Variants in MYO18B observed in about 807,000 individuals in gnomAD.
MYO18B encodes unconventional myosin-XVIIIb.
Under a neutral mutation model 273.0 loss-of-function variants are expected in MYO18B, and 204 were observed. The ratio of observed to expected loss-of-function variants is 0.75; its 90% confidence interval spans 0.67 to 0.84. The LOEUF is 0.84. Among genes scored for constraint, MYO18B ranks in the 40% least tolerant of loss-of-function variants. The probability of loss-of-function intolerance (pLI) is 0.00; values close to 1 mark genes in which losing one functional copy is unlikely to be tolerated. For missense variants in MYO18B, 3,212 were observed against 3,287.6 expected, an observed-to-expected ratio of 0.98 and a Z score of 0.56; for synonymous variants, 1,330 against 1,305.7, an observed-to-expected ratio of 1.02 and a Z score of -0.40.
intron 11 of MYO18B, among the ~76,000 whole-genome samples, chr22:25,794,947 C>T (rs1206337359): frequency 3.9e-5 from 6 of 152,240 alleles, no homozygotes; most frequent in Non-Finnish European, 5.9e-5. Flanking sequence ...CTAATTGTCT[C>T]AACTTCTCTT....
chr22:26,037,667 A>G, the MYO18B span, among the ~76,000 whole-genome samples: 1 of 152,220 alleles, frequency 6.6e-6, no homozygotes, highest in Admixed American at 6.5e-5. Context: ...ACCTACCTCA[A>G]AAATGGGGTG....
At chr22:25,816,356 A>G (rs1359925868) in intron 12 of MYO18B, among the ~76,000 whole-genome samples, 1 of 151,990 alleles carries the variant, frequency 6.6e-6, no homozygotes, top group Non-Finnish European at 1.5e-5. Flanking sequence ...TCTTTTATTT[A>G]TTATTATACT....
At chr22:25,760,414 A>AG (rs2086268383) in intron 1 of MYO18B, among the ~76,000 whole-genome samples, 1 of 89,262 alleles carries the variant, frequency 1.1e-5, no homozygotes, top group Admixed American at 1.1e-4. Context: ...TCCATCTCAA[A>AG]AAAAAAAAAA....
intron 27 of MYO18B, among the ~76,000 whole-genome samples, chr22:25,893,101 A>G (rs911275978): frequency 3.9e-5 from 6 of 152,276 alleles, no homozygotes; most frequent in Admixed American, 2.0e-4. Flanking sequence ...TACTCATTAT[A>G]GAAAATGTCT....
chr22:26,025,878 G>C (rs1281931937), intron 42 of MYO18B, among the ~76,000 whole-genome samples: 2 of 152,198 alleles, frequency 1.3e-5, no homozygotes, highest in Non-Finnish European at 2.9e-5. Flanking sequence ...CTTGTGTATA[G>C]TCTTGGTTTT....
At position 25,797,901 on chromosome 22, in the gene MYO18B, G is replaced by GT. The variant is rs1175917475; in HGVS notation, c.2377-48dup. The GT allele has an allele frequency of 3.7e-6, 6 of 1,613,448 alleles. No individual in the cohort carries two copies. In the African/African-American group the frequency reaches 5.3e-5, roughly 14 times the overall value. ...GCTCAGCTTCAAGTTGTGAGCTTGT[G>GT]TTTTCTCCATCGCGATGGCCTTGTT... is the stretch of plus-strand genomic sequence containing the variant. On this transcript the variant is annotated intron_variant, in intron 11 of 43. Coordinates refer to ENST00000335473, the MANE Select transcript of MYO18B (RefSeq NM_032608.7).
chr22:25,895,807 T>C (rs1049241786), intron 28 of MYO18B, among the ~76,000 whole-genome samples: 2 of 152,214 alleles, frequency 1.3e-5, no homozygotes, highest in African/African-American at 4.8e-5. Context: ...TAAAGTATGC[T>C]GACTCTCATG....
rs565229092 is a variant in MYO18B, at chr22:25,898,115, A to G, written c.4669-192A>G. ...TGGAATTATCCCCACTTTACCTCTG[A>G]GCAAACTGAGGCTCAGAAAAGTAGC... On this transcript the variant is annotated intron_variant, in intron 28 of 43. Coordinates refer to ENST00000335473, the MANE Select transcript of MYO18B (RefSeq NM_032608.7). The G allele has an allele frequency of 1.4e-5, 8 of 579,924 alleles. No individual in the cohort carries two copies. In the South Asian group the frequency reaches 1.7e-4, roughly 13 times the overall value. The allele number at this position is 579,924 out of a possible 1,614,324, so 35.9% of individuals were successfully genotyped here.
At chr22:26,017,933 C>T (rs967234061) in intron 42 of MYO18B, among the ~76,000 whole-genome samples, 2 of 148,732 alleles carry the variant, frequency 1.3e-5, no homozygotes, top group Admixed American at 6.7e-5. Context: ...AGAACGATCC[C>T]CTTATCACCA....
intron 1 of MYO18B, among the ~76,000 whole-genome samples, chr22:25,752,925 A>G (rs1353225085): frequency 1.3e-5 from 2 of 152,176 alleles, no homozygotes; most frequent in Non-Finnish European, 2.9e-5. Flanking sequence ...AGCCCCGGAC[A>G]GTGAGGCGCT....
chr22:25,765,613 T>C (rs2086475920), intron 3 of MYO18B, among the ~76,000 whole-genome samples: 1 of 152,212 alleles, frequency 6.6e-6, no homozygotes, highest in South Asian at 2.1e-4. Context: ...GGCCTCAGTT[T>C]ACTCATCTGT....
At chr22:26,030,169 G>A (rs1027208892) in intron 43 of MYO18B, among the ~76,000 whole-genome samples, 5 of 152,158 alleles carry the variant, frequency 3.3e-5, no homozygotes, top group African/African-American at 1.2e-4. Flanking sequence ...CCAGGAGTTT[G>A]AGACCAGCCT....
chr22:25,755,150 TC>T (rs1264095922), intron 1 of MYO18B, among the ~76,000 whole-genome samples: 1 of 152,074 alleles, frequency 6.6e-6, no homozygotes, highest in African/African-American at 2.4e-5. Context: ...CTTTCCCCCA[TC>T]CCCTCTCCCC....
intron 12 of MYO18B, among the ~76,000 whole-genome samples, chr22:25,818,116 C>T (rs1302815980): frequency 6.6e-6 from 1 of 152,256 alleles, no homozygotes; most frequent in Non-Finnish European, 1.5e-5. Flanking sequence ...ATCTCCTTGC[C>T]TCCTGGTGGG....
intron 34 of MYO18B, among the ~76,000 whole-genome samples, chr22:25,935,264 T>G (rs999254949): frequency 6.6e-6 from 1 of 152,036 alleles, no homozygotes; most frequent in Admixed American, 6.5e-5. Flanking sequence ...AGGAGGAGAG[T>G]GAGCAAGGGA....
intron 38 of MYO18B, among the ~76,000 whole-genome samples, chr22:25,952,630 C>T (rs1248354360): frequency 1.3e-5 from 2 of 152,186 alleles, no homozygotes; most frequent in African/African-American, 2.4e-5. Flanking sequence ...TCTATCCTCA[C>T]GTATGTCTCT....
At chr22:25,772,284 G>GGGCCAGAAGGCCAGAA (rs763373490) in intron 6 of MYO18B, 50 bp from the exon 7 acceptor site, 2 of 1,572,480 alleles carry the variant, frequency 1.3e-6, no homozygotes, top group Non-Finnish European at 1.7e-6. Context: ...TGGGGGCAGG[G>GGGCCAGAAGGCCAGAA]GGCCAGAAGG....
rs2086697982 is a variant in MYO18B, at chr22:25,770,985, G to A, written c.1692+1G>A. The stretch of plus-strand genomic sequence containing the variant: ...GGTGGATGAGGAGCATGTCCATCGG[G>A]TGAGTCCCCTGTCCCGCCGTCCCCC... On this transcript the variant is annotated splice_donor_variant, in intron 6 of 43. Transcript: ENST00000335473. LOFTEE classifies it high-confidence loss of function. The A allele has an allele frequency of 2.5e-5, 38 of 1,549,966 alleles. No individual in the cohort carries two copies. Among genetic ancestry groups the A allele is most frequent in the Non-Finnish European group, 3.3e-5 (38 of 1,145,238 alleles).
At chr22:26,034,263 C>T (rs1031094391), downstream of MYO18B, among the ~76,000 whole-genome samples, 2 of 152,214 alleles carry the variant, frequency 1.3e-5, no homozygotes, top group Non-Finnish European at 1.5e-5. Flanking sequence ...GCGTAGTAAG[C>T]GTCATCCAAG....
Sources: gnomAD v4.1 joint callset for allele counts (sites outside exome capture counted in the v4.1 genomes callset) on GRCh38, gnomAD v4.1.1 for gene constraint, MANE v1.5 for transcripts, NCBI Gene and HGNC (gene_info 2026-07-23, HGNC 2026-07-21) for gene names.